STRBP: variants seen among roughly 807,000 people sequenced by gnomAD.
The protein encoded by STRBP is spermatid perinuclear RNA-binding protein.
STRBP carries 13 observed loss-of-function variants against 80.1 expected under a neutral mutation model. The observed-to-expected ratio is 0.16, with a 90% confidence interval of 0.11 to 0.26. The LOEUF (loss-of-function observed/expected upper bound fraction) is 0.26, where lower values mean the gene tolerates loss of function less well. STRBP is among the 10% of genes least tolerant of loss of function. The pLI is 1.00. For synonymous variants in STRBP, 284 were observed against 291.2 expected (o/e 0.98, Z 0.25); for missense variants, 485 against 815.2 (o/e 0.59, Z 4.93).
At chr9:123,166,698 G>A (rs1228265996) in intron 6 of STRBP, among the ~76,000 whole-genome samples, 1 of 152,008 alleles carries the variant, frequency 6.6e-6, no homozygotes. Flanking sequence ...AGGTTGCAGT[G>A]AGCTGAGATC....
At chr9:123,236,477 G>T (rs763572360) in intron 2 of STRBP, among the ~76,000 whole-genome samples, 21 of 152,108 alleles carry the variant, frequency 1.4e-4, no homozygotes, top group South Asian at 8.3e-4. Context: ...ATGACAGTGA[G>T]GCAATACAAG....
Position 123,122,367 on chromosome 9 carries a change from A to T in STRBP, c.*3230T>A. The stretch of plus-strand genomic sequence containing the variant: ...GGTCCAACACCAGTTTTAAAAATAC[A>T]TTAACGAGGTATTCCCAGCTCTTCA... On this transcript the variant is annotated 3_prime_UTR_variant, in exon 19 of 19. Transcript: ENST00000348403. 3 of 1,286,590 alleles carry T rather than the reference A, an allele frequency of 2.3e-6. No individual in the cohort carries two copies. Among genetic ancestry groups the T allele is most frequent in the Non-Finnish European group, 3.0e-6 (3 of 987,862 alleles). 79.7% of individuals were successfully genotyped at this position (1,286,590 alleles called of 1,614,324 possible).
intron 2 of STRBP, among the ~76,000 whole-genome samples, chr9:123,200,325 T>C (rs745924293): frequency 6.6e-6 from 1 of 152,180 alleles, no homozygotes; most frequent in Non-Finnish European, 1.5e-5. Context: ...AGCTAATATT[T>C]TGTTGAGGAT....
chr9:123,139,571 A>G lies in STRBP; in HGVS notation c.1455T>C (p.Asn485=), dbSNP rs1386195540. 1.2e-6 allele frequency: 2 copies of G among 1,612,582 alleles called. No homozygotes were observed. Among genetic ancestry groups the G allele is most frequent in the Non-Finnish European group, 1.7e-6 (2 of 1,179,724 alleles). The change falls in exon 14 of 19, where the codon AAT becomes AAC. Residue 485 remains asparagine (N), a synonymous_variant. Coordinates refer to ENST00000348403, the MANE Select transcript of STRBP (RefSeq NM_018387.5). ...KNETVSSNSS[N]NTGNSTTETS... ...TTTCAGTTGTAGAATTTCCAGTATT[A>G]TTGCTTGAGTTTGAAGACACTGTTT...
intron 2 of STRBP, chr9:123,214,048 C>T (rs746029443): frequency 2.0e-4 from 30 of 151,488 alleles, no homozygotes; most frequent in African/African-American, 7.3e-4. Flanking sequence ...TGCATGTTTA[C>T]AGCAGCACAA....
chr9:123,210,243 A>G, intron 2 of STRBP, among the ~76,000 whole-genome samples: 1 of 152,200 alleles, frequency 6.6e-6, no homozygotes, highest in Admixed American at 6.5e-5. Context: ...TTTCTTAAAG[A>G]CACAAAAGTA....
chr9:123,229,732 T>C (rs1436176917), intron 2 of STRBP, among the ~76,000 whole-genome samples: 2 of 152,136 alleles, frequency 1.3e-5, no homozygotes, highest in Non-Finnish European at 2.9e-5. Context: ...GTGAAGTAAG[T>C]AGCAAGGTCA....
At position 123,123,303 on chromosome 9, in the gene STRBP, T is replaced by A; in HGVS notation, c.*2294A>T. 2.0e-6 allele frequency: 2 copies of A among 985,396 alleles called. No homozygotes were observed. Among genetic ancestry groups the A allele is most frequent in the South Asian group, 4.7e-5 (1 of 21,284 alleles). The allele number at this position is 985,396 out of a possible 1,614,324, so 61.0% of individuals were successfully genotyped here. A position where few individuals can be genotyped will look rare whatever the true frequency, so the allele number is the denominator to read the frequency against. ...AAGAGCTTCATTTATATTTCTCTGC[T>A]CTTTCAGCTGTAAGTGGAATTTTCA... On this transcript the variant is annotated 3_prime_UTR_variant, in exon 19 of 19. Transcript: ENST00000348403.
At chr9:123,197,663 ATTTCTTTTTTTT>A (rs1403509263) in intron 2 of STRBP, among the ~76,000 whole-genome samples, 1 of 77,496 alleles carries the variant, frequency 1.3e-5, no homozygotes, top group African/African-American at 4.4e-5. Context: ...TGTGAAACAT[ATTTCTTTTTTTT>A]TTTTTTTTTT....
Position 123,139,539 on chromosome 9 carries a change from C to T in STRBP, c.1487G>A (p.Ser496Asn). Reference sequence around the variant, plus strand: ...AAAAAATAAGTATACCTCTAAGGTACTGGAGGTTTCAGTTGTAGAATTTCC... The same window carrying T: ...AAAAAATAAGTATACCTCTAAGGTATTGGAGGTTTCAGTTGTAGAATTTCC... ...NTGNSTTETSSTLEVRTQGPI... is the reference protein window; with the variant it reads ...NTGNSTTETSNTLEVRTQGPI... Residue 496 changes from serine (S) to asparagine (N), a missense_variant, in exon 14 of 19, where the codon AGT (serine) becomes AAT (asparagine). By Grantham distance (46) the Ser-to-Asn change is conservative. Coordinates refer to ENST00000348403, the MANE Select transcript of STRBP (RefSeq NM_018387.5). 2 of 1,608,668 alleles carry T rather than the reference C, an allele frequency of 1.2e-6. No individual in the cohort carries two copies. The highest frequency in any genetic ancestry group is 1.7e-6 in the Non-Finnish European group (2 of 1,178,320).
intron 2 of STRBP, among the ~76,000 whole-genome samples, chr9:123,206,795 C>T (rs1345774345): frequency 3.9e-5 from 6 of 152,086 alleles, no homozygotes; most frequent in African/African-American, 1.4e-4. Context: ...CCCGCCACCA[C>T]GCTCAGCTAA....
At chr9:123,227,826 A>G (rs925722697) in intron 2 of STRBP, among the ~76,000 whole-genome samples, 7 of 151,988 alleles carry the variant, frequency 4.6e-5, no homozygotes, top group Non-Finnish European at 7.4e-5. Context: ...CAGCCTCCCA[A>G]AGTGCTGGGA....
At chr9:123,226,757 G>A (rs775843613) in intron 2 of STRBP, among the ~76,000 whole-genome samples, 18 of 152,116 alleles carry the variant, frequency 1.2e-4, no homozygotes, top group South Asian at 4.2e-4. Flanking sequence ...TAGCGGTGTT[G>A]GGGAGTGAGG....
chr9:123,246,658 G>A (rs762973404), intron 1 of STRBP, among the ~76,000 whole-genome samples: 36 of 152,064 alleles, frequency 2.4e-4, no homozygotes, highest in Non-Finnish European at 4.7e-4. Flanking sequence ...AAGTGATAAG[G>A]CCATTTTTAA....
At chr9:123,157,677 G>A (rs2037346714) in intron 11 of STRBP, among the ~76,000 whole-genome samples, 1 of 152,040 alleles carries the variant, frequency 6.6e-6, no homozygotes, top group Non-Finnish European at 1.5e-5. Flanking sequence ...TCACATGGTG[G>A]CAGACGTGCA....
chr9:123,177,473 T>A (rs2038271758), intron 4 of STRBP, among the ~76,000 whole-genome samples: 1 of 152,114 alleles, frequency 6.6e-6, no homozygotes, highest in African/African-American at 2.4e-5. Flanking sequence ...TTCAAGAGGC[T>A]GATGTAGGAG....
intron 11 of STRBP, among the ~76,000 whole-genome samples, chr9:123,149,445 T>C (rs1188300943): frequency 1.3e-5 from 2 of 152,244 alleles, no homozygotes; most frequent in African/African-American, 2.4e-5. Flanking sequence ...AAGCAGCTTC[T>C]TGATTGCCTG....
chr9:123,137,854 A>G (rs1419713997), intron 14 of STRBP, among the ~76,000 whole-genome samples: 1 of 152,238 alleles, frequency 6.6e-6, no homozygotes, highest in Admixed American at 6.5e-5. Context: ...AACATCAGTA[A>G]CATCAATAAA....
Position 123,136,509 on chromosome 9 carries a change from T to C in STRBP, c.1504A>G (p.Thr502Ala). 1.2e-6 allele frequency: 2 copies of C among 1,613,686 alleles called. No individual in the cohort carries two copies. The highest frequency in any genetic ancestry group is 1.7e-6 in the Non-Finnish European group (2 of 1,179,922). ...TETSSTLEVR[T>A]QGPILTASGK... is the part of the protein sequence containing the mutation. Reference sequence around the variant, plus strand: ...CTTGCTGTGAGGATAGGGCCCTGAGTTCTTACCTATAAGAGAAAGGGAATC... The same window carrying C: ...CTTGCTGTGAGGATAGGGCCCTGAGCTCTTACCTATAAGAGAAAGGGAATC... The change falls in exon 15 of 19, where the codon ACT (threonine) becomes GCT (alanine). Residue 502 changes from threonine to alanine, a missense_variant. Physicochemically the swap from Thr to Ala is moderately conservative, Grantham distance 58 (BLOSUM62 0). Coordinates refer to ENST00000348403, the MANE Select transcript of STRBP (RefSeq NM_018387.5). The surrounding 1 kb of genome is among the most constrained non-coding windows in gnomAD (Gnocchi z 4.2).
Sources: gnomAD v4.1 joint callset for allele counts (sites outside exome capture counted in the v4.1 genomes callset) on GRCh38, gnomAD v4.1.1 for gene constraint, Gnocchi (gnomAD v3.1) non-coding constraint, MANE v1.5 for transcripts, NCBI Gene and HGNC (gene_info 2026-07-23, HGNC 2026-07-21) for gene names.